The following SLC39A11 variants were observed in gnomAD, a reference collection of about 807,000 sequenced individuals.
SLC39A11 encodes zinc transporter ZIP11.
A neutral mutation model predicts 36.1 loss-of-function variants in SLC39A11; 33 were observed. The observed-to-expected ratio is 0.91, with a 90% CI of 0.69 to 1.22. SLC39A11 has a LOEUF of 1.22. Ranked by LOEUF, SLC39A11 falls within the 50% of genes most tolerant of loss-of-function variation. The pLI is 0.00. For synonymous variants in SLC39A11, 166 were observed against 170.3 expected (o/e 0.97, Z 0.20); for missense variants, 432 against 430.3 (o/e 1.00, Z -0.03).
chr17:73,014,822 G>C (rs1044282212), intron 4 of SLC39A11, among the ~76,000 whole-genome samples: 2 of 152,090 alleles, frequency 1.3e-5, no homozygotes, highest in Non-Finnish European at 2.9e-5. Flanking sequence ...GCCCCTGGCC[G>C]GCCTGCAGCA....
At chr17:72,979,076 G>A (rs745520146) in intron 4 of SLC39A11, among the ~76,000 whole-genome samples, 11 of 152,216 alleles carry the variant, frequency 7.2e-5, no homozygotes, top group Middle Eastern at 6.8e-3. Flanking sequence ...GAGACCACGC[G>A]GAGGCAACTG....
At position 73,049,993 on chromosome 17, in the gene SLC39A11, C is replaced by T. The variant is rs529693949; in HGVS notation, c.148-18279G>A. ...CAAAAATTAGCCGGGCGGAGTGGCA[C>T]GTCTGTAATCCCAGCTACTCAGGAG... On this transcript the variant is annotated intron_variant, in intron 3 of 9. Transcript: ENST00000255559. Among the ~76,000 whole-genome samples, 9 of 152,146 alleles carry T rather than the reference C, an allele frequency of 5.9e-5. No individual in the cohort carries two copies. In the South Asian group the frequency reaches 1.2e-3, roughly 21 times the overall value.
At chr17:72,868,618 C>CAAA (rs71354894) in intron 5 of SLC39A11, among the ~76,000 whole-genome samples, 3,747 of 56,884 alleles carry the variant, frequency 0.066, 16 homozygotes, top group Middle Eastern at 0.079. Flanking sequence ...CCTGTCTCTA[C>CAAA]AAAAAAAAAA....
Position 72,713,108 on chromosome 17 carries a change from G to A in SLC39A11, c.671+23542C>T, listed in dbSNP as rs376791540. Reference sequence around the variant, plus strand: ...GGGGAAGGTAAACAGGAAGAAGCAGGTTCGAGCAGGCAAGACATGGCATTG... The same window carrying A: ...GGGGAAGGTAAACAGGAAGAAGCAGATTCGAGCAGGCAAGACATGGCATTG... On this transcript the variant is annotated intron_variant, in intron 7 of 9. Coordinates refer to ENST00000255559, the MANE Select transcript of SLC39A11 (RefSeq NM_139177.4). 3 of 152,622 alleles carry A rather than the reference G, an allele frequency of 2.0e-5. No individual in the cohort carries two copies. The East Asian group carries it at 5.8e-4, about 29-fold the overall frequency. 9.5% of individuals were successfully genotyped at this position (152,622 alleles called of 1,614,324 possible).
intron 5 of SLC39A11, among the ~76,000 whole-genome samples, chr17:72,907,264 C>T (rs190269137): frequency 1.7e-4 from 26 of 152,250 alleles, no homozygotes; most frequent in Admixed American, 4.6e-4. Flanking sequence ...CCGAGGCGGG[C>T]GCATCATTTG....
At chr17:72,754,031 TATATATATATATATACACATAC>T (rs1370323510) in intron 6 of SLC39A11, among the ~76,000 whole-genome samples, 4 of 116,044 alleles carry the variant, frequency 3.4e-5, no homozygotes, top group African/African-American at 1.5e-4. Context: ...TATATATATA[TATATATATATATATACACATAC>T]ACACACACAC....
At chr17:72,871,475 G>A (rs1161542842) in intron 5 of SLC39A11, among the ~76,000 whole-genome samples, 2 of 152,186 alleles carry the variant, frequency 1.3e-5, no homozygotes, top group Non-Finnish European at 2.9e-5. Context: ...AGATTAGAGA[G>A]TTGAATTTGG....
intron 6 of SLC39A11, among the ~76,000 whole-genome samples, chr17:72,782,868 G>A (rs2144907604): frequency 6.6e-6 from 1 of 151,498 alleles, no homozygotes; most frequent in East Asian, 1.9e-4. Context: ...CAGACGGGGT[G>A]GTGCCCACTT....
intron 5 of SLC39A11, among the ~76,000 whole-genome samples, chr17:72,911,382 G>A (rs67834372): frequency 0.49 from 74,669 of 151,156 alleles, 18,521 homozygotes; most frequent in African/African-American, 0.53. Flanking sequence ...AAACCTGCAC[G>A]TTGTGCACAT....
At chr17:72,777,308 T>A (rs1194727719) in intron 6 of SLC39A11, among the ~76,000 whole-genome samples, 2 of 152,130 alleles carry the variant, frequency 1.3e-5, no homozygotes, top group Non-Finnish European at 2.9e-5. Context: ...GGAACTCTTC[T>A]CAGAAAATTG....
At chr17:72,971,493 G>A (rs145054138) in intron 4 of SLC39A11, among the ~76,000 whole-genome samples, 53 of 152,220 alleles carry the variant, frequency 3.5e-4, no homozygotes, top group Admixed American at 1.8e-3. Context: ...AAACCCTCTG[G>A]ACTGGGAATG....
intron 6 of SLC39A11, among the ~76,000 whole-genome samples, chr17:72,748,763 G>C (rs913144633): frequency 2.0e-5 from 3 of 152,218 alleles, no homozygotes; most frequent in Non-Finnish European, 4.4e-5. Context: ...TACTGGCATT[G>C]AAGATTCCGA....
chr17:72,974,618 G>C (rs2087714001), intron 4 of SLC39A11, among the ~76,000 whole-genome samples: 1 of 152,162 alleles, frequency 6.6e-6, no homozygotes, highest in African/African-American at 2.4e-5. Flanking sequence ...AAATGTTACA[G>C]TAAGTTAAGG....
intron 1 of SLC39A11, among the ~76,000 whole-genome samples, chr17:73,089,476 C>A (rs1482938943): frequency 2.0e-5 from 3 of 152,146 alleles, no homozygotes; most frequent in Non-Finnish European, 2.9e-5. Flanking sequence ...GCCATCAGAA[C>A]CCGGAGCACC....
At chr17:72,999,365 AAATT>A (rs1241498141) in intron 4 of SLC39A11, among the ~76,000 whole-genome samples, 1 of 152,206 alleles carries the variant, frequency 6.6e-6, no homozygotes, top group Non-Finnish European at 1.5e-5. Flanking sequence ...GCCTGCTGGA[AAATT>A]AATTAAAAAC....
At chr17:72,787,607 A>T (rs1018082731) in intron 6 of SLC39A11, among the ~76,000 whole-genome samples, 10 of 152,162 alleles carry the variant, frequency 6.6e-5, no homozygotes, top group African/African-American at 2.2e-4. Context: ...GGGGTTCTAC[A>T]GTTGTTCCTC....
intron 7 of SLC39A11, among the ~76,000 whole-genome samples, chr17:72,731,101 G>A (rs192674199): frequency 4.9e-4 from 74 of 152,308 alleles, no homozygotes; most frequent in African/African-American, 1.7e-3. Flanking sequence ...GCACTTGCAC[G>A]ACAGTCAGTC....
At chr17:72,962,809 T>C (rs541073235) in intron 4 of SLC39A11, among the ~76,000 whole-genome samples, 1 of 152,290 alleles carries the variant, frequency 6.6e-6, no homozygotes, top group South Asian at 2.1e-4. Flanking sequence ...AGTGCTGGGA[T>C]TACAGGCGTG....
At chr17:73,015,124 C>G (rs570054498) in intron 4 of SLC39A11, among the ~76,000 whole-genome samples, 3 of 152,356 alleles carry the variant, frequency 2.0e-5, no homozygotes, top group African/African-American at 7.2e-5. Context: ...TATGGCCTCA[C>G]AGCCACTGAA....
Sources: gnomAD v4.1 joint callset for allele counts (sites outside exome capture counted in the v4.1 genomes callset) on GRCh38, gnomAD v4.1.1 for gene constraint, MANE v1.5 for transcripts, NCBI Gene and HGNC (gene_info 2026-07-23, HGNC 2026-07-21) for gene names.